Variants in COL26A1 observed in about 807,000 individuals in gnomAD.
COL26A1 encodes collagen alpha-1(XXVI) chain.
Under a neutral mutation model 59.3 loss-of-function variants are expected in COL26A1, and 41 were observed. That is an observed-to-expected ratio of 0.69 (90% CI 0.54 to 0.90). COL26A1 has a LOEUF of 0.90. COL26A1 is among the 40% of genes least tolerant of loss of function. COL26A1 has a pLI of 0.00. For missense variants in COL26A1, 612 were observed against 602.3 expected (o/e 1.02, Z -0.17); for synonymous variants, 266 against 256.0 (o/e 1.04, Z -0.37).
At chr7:101,368,917 CA>C (rs959668673) in intron 1 of COL26A1, among the ~76,000 whole-genome samples, 8 of 90,820 alleles carry the variant, frequency 8.8e-5, no homozygotes, top group African/African-American at 3.6e-4. Flanking sequence ...TGGCTCTTTC[CA>C]AAAAAAAAAA....
chr7:101,533,899 G>C (rs565518598), intron 4 of COL26A1, among the ~76,000 whole-genome samples: 1 of 152,334 alleles, frequency 6.6e-6, no homozygotes, highest in South Asian at 2.1e-4. Context: ...TGTGGCTGGA[G>C]AAAGCCCTTG....
chr7:101,547,077 G>T, intron 7 of COL26A1, 79 bp from the exon 8 acceptor site: 2 of 1,022,340 alleles, frequency 2.0e-6, no homozygotes, highest in Non-Finnish European at 2.9e-6. Context: ...CCTGGCTCAG[G>T]GCTCAGTGCC....
intron 3 of COL26A1, among the ~76,000 whole-genome samples, chr7:101,471,945 GCTATT>G (rs1793916757): frequency 6.7e-6 from 1 of 148,318 alleles, no homozygotes; most frequent in South Asian, 2.2e-4. Context: ...AATTAGTATT[GCTATT>G]CTCTTGTGTA....
At chr7:101,396,062 A>T (rs919325631) in intron 1 of COL26A1, among the ~76,000 whole-genome samples, 10 of 152,106 alleles carry the variant, frequency 6.6e-5, no homozygotes, top group African/African-American at 2.4e-4. Flanking sequence ...GTTTGAGGCC[A>T]GCCTGGGCAA....
At position 101,510,027 on chromosome 7, in the gene COL26A1, C is replaced by CTTTTTTTTTTT. The variant is rs3073374; in HGVS notation, c.386-23051_386-23041dup. Among the ~76,000 whole-genome samples the CTTTTTTTTTTT allele has an allele frequency of 8.2e-5, 10 of 122,298 alleles. 2 individuals are homozygous for CTTTTTTTTTTT. The highest frequency in any genetic ancestry group is 3.6e-4 in the African/African-American group (9 of 24,658). The allele number at this position is 122,298 out of a possible 152,430, so 80.2% of individuals were successfully genotyped here. ...ATAGGCATAAGCCATCGCGCCCAGT[C>CTTTTTTTTTTT]TTTTTTTTTTTTTTAAGAGGGTCTC... On this transcript the variant is annotated intron_variant, in intron 3 of 12. Transcript: ENST00000313669.
intron 3 of COL26A1, among the ~76,000 whole-genome samples, chr7:101,524,933 C>T (rs1160578530): frequency 6.6e-6 from 1 of 152,122 alleles, no homozygotes; most frequent in Admixed American, 6.5e-5. Flanking sequence ...GGGAGAAAAA[C>T]AGACTCTGCC....
chr7:101,399,005 G>T (rs1328288403), intron 1 of COL26A1, among the ~76,000 whole-genome samples: 10 of 152,010 alleles, frequency 6.6e-5, no homozygotes, highest in Non-Finnish European at 1.3e-4. Context: ...GGTCAGAATT[G>T]CCCATCAAGA....
At chr7:101,481,867 C>T (rs1794163980) in intron 3 of COL26A1, among the ~76,000 whole-genome samples, 1 of 152,088 alleles carries the variant, frequency 6.6e-6, no homozygotes, top group Admixed American at 6.6e-5. Context: ...GTTTCAATTT[C>T]TTTATTTAGA....
chr7:101,370,463 C>G (rs1397215126), intron 1 of COL26A1, among the ~76,000 whole-genome samples: 5 of 152,080 alleles, frequency 3.3e-5, no homozygotes, highest in Admixed American at 6.6e-5. Context: ...CTCCGCTTCC[C>G]AGGTTGAAGC....
intron 3 of COL26A1, among the ~76,000 whole-genome samples, chr7:101,495,689 G>C (rs993039530): frequency 1.3e-5 from 2 of 151,126 alleles, no homozygotes; most frequent in Non-Finnish European, 3.0e-5. Flanking sequence ...AAAGTGCTGG[G>C]ATTACAGGCA....
At chr7:101,510,871 A>G (rs1794906271) in intron 3 of COL26A1, among the ~76,000 whole-genome samples, 1 of 147,680 alleles carries the variant, frequency 6.8e-6, no homozygotes, top group Non-Finnish European at 1.5e-5. Flanking sequence ...GCACTTGTGC[A>G]TCTCACTTTT....
intron 3 of COL26A1, among the ~76,000 whole-genome samples, chr7:101,497,483 T>G (rs1343672846): frequency 6.6e-6 from 1 of 151,890 alleles, no homozygotes; most frequent in African/African-American, 2.4e-5. Flanking sequence ...GAGACCAGCC[T>G]CGGCAACATA....
chr7:101,454,296 G>A (rs1357320153), intron 3 of COL26A1, among the ~76,000 whole-genome samples: 2 of 133,270 alleles, frequency 1.5e-5, no homozygotes, highest in African/African-American at 2.9e-5. Context: ...ATGGAGTCTC[G>A]CTCTACTGCT....
chr7:101,482,083 C>G (rs1794168398), intron 3 of COL26A1, among the ~76,000 whole-genome samples: 2 of 151,336 alleles, frequency 1.3e-5, no homozygotes, highest in South Asian at 4.2e-4. Flanking sequence ...GTGGCATGAT[C>G]TCGGCTCACT....
chr7:101,499,608 T>C (rs1288285473), intron 3 of COL26A1, among the ~76,000 whole-genome samples: 1 of 151,744 alleles, frequency 6.6e-6, no homozygotes, highest in African/African-American at 2.4e-5. Context: ...CACTTGAACC[T>C]GGGAGGTGGA....
At position 101,397,518 on chromosome 7, in the gene COL26A1, C is replaced by T. The variant is rs181835294; in HGVS notation, c.159-22459C>T. ...TCTCCTTCTCCTTCCCTTCCCTTCC[C>T]TTCCTTCTCTCCTCCCCCCCCCTCC... On this transcript the variant is annotated intron_variant, in intron 1 of 12. Coordinates refer to ENST00000313669, the MANE Select transcript of COL26A1 (RefSeq NM_001278563.3). 2.2e-4 allele frequency among the ~76,000 whole-genome samples: 26 copies of T among 119,322 alleles called. 1 individual carries two copies. The East Asian group carries it at 5.8e-3, about 26-fold the overall frequency. The allele number at this position is 119,322 out of a possible 152,430, so 78.3% of individuals were successfully genotyped here.
At chr7:101,384,237 T>TTTTG (rs563267072) in intron 1 of COL26A1, among the ~76,000 whole-genome samples, 3,848 of 147,512 alleles carry the variant, frequency 0.026, 107 homozygotes, top group East Asian at 0.071. Flanking sequence ...CTGGTTTTTT[T>TTTTG]TTTTTTTTTT....
At chr7:101,461,536 G>A (rs1323715288) in intron 3 of COL26A1, among the ~76,000 whole-genome samples, 1 of 151,816 alleles carries the variant, frequency 6.6e-6, no homozygotes, top group Non-Finnish European at 1.5e-5. Context: ...CACCTCAGGT[G>A]ATCCACCTGC....
At chr7:101,488,665 C>T (rs1379088892) in intron 3 of COL26A1, among the ~76,000 whole-genome samples, 5 of 152,034 alleles carry the variant, frequency 3.3e-5, no homozygotes, top group Non-Finnish European at 5.9e-5. Flanking sequence ...CGTAAGCCAC[C>T]GCGCCCGAAC....
Sources: allele counts gnomAD v4.1 joint callset (sites outside exome capture counted in the v4.1 genomes callset), GRCh38; gene constraint gnomAD v4.1.1; transcripts MANE v1.5; gene names NCBI Gene and HGNC (gene_info 2026-07-23, HGNC 2026-07-21).